The following MATCAP2 variants were observed in gnomAD, a reference collection of about 807,000 sequenced individuals.
MATCAP2 encodes the protein microtubule associated tyrosine carboxypeptidase 2.
chr7:36,351,618 A>G, the MATCAP2 span, among the ~76,000 whole-genome samples: 1 of 152,124 alleles, frequency 6.6e-6, no homozygotes, highest in Non-Finnish European at 1.5e-5. Flanking sequence ...TACTCTTGAC[A>G]GCACAGAACT....
the MATCAP2 span, among the ~76,000 whole-genome samples, chr7:36,380,894 T>A: frequency 6.6e-6 from 1 of 152,188 alleles, no homozygotes; most frequent in African/African-American, 2.4e-5. Flanking sequence ...TGCACCCAGC[T>A]AATTTTTTGT....
chr7:36,337,126 G>C, the MATCAP2 span, among the ~76,000 whole-genome samples: 4 of 22,632 alleles, frequency 1.8e-4, no homozygotes, highest in East Asian at 1.4e-3. Context: ...AAAAAAAAAA[G>C]CAATCAGTCT....
At chr7:36,330,071 T>G in the MATCAP2 span, among the ~76,000 whole-genome samples, 10 of 20,130 alleles carry the variant, frequency 5.0e-4, no homozygotes, top group Non-Finnish European at 9.9e-4. Flanking sequence ...TTTTATTTTA[T>G]TTTATTTATT....
chr7:36,361,460 C>T, the MATCAP2 span, among the ~76,000 whole-genome samples: 6 of 152,256 alleles, frequency 3.9e-5, no homozygotes, highest in East Asian at 1.9e-4. Context: ...CTAATACTTA[C>T]GAAACCTGAG....
At chr7:36,331,396 C>T in the MATCAP2 span, among the ~76,000 whole-genome samples, 1 of 152,092 alleles carries the variant, frequency 6.6e-6, no homozygotes, top group African/African-American at 2.4e-5. Flanking sequence ...GATTATCCCA[C>T]CTTCCCCTAC....
the MATCAP2 span, among the ~76,000 whole-genome samples, chr7:36,335,427 A>C: frequency 2.0e-5 from 3 of 152,172 alleles, no homozygotes; most frequent in Non-Finnish European, 4.4e-5. Context: ...GGAAGACACG[A>C]AGGACTTAAA....
chr7:36,361,380 AG>A, the MATCAP2 span, among the ~76,000 whole-genome samples: 1 of 152,226 alleles, frequency 6.6e-6, no homozygotes. Flanking sequence ...GAAGATCACC[AG>A]AAACAAAGCC....
At chr7:36,380,708 G>A in the MATCAP2 span, among the ~76,000 whole-genome samples, 1 of 152,140 alleles carries the variant, frequency 6.6e-6, no homozygotes, top group Admixed American at 6.6e-5. Flanking sequence ...GCTGGATTAG[G>A]TGATCTATAA....
At chr7:36,362,998 A>C in the MATCAP2 span, among the ~76,000 whole-genome samples, 3,122 of 152,334 alleles carry the variant, frequency 0.02, 51 homozygotes, top group Middle Eastern at 0.051. Context: ...GGTTTTGCTT[A>C]TTCACTGTCC....
the MATCAP2 span, among the ~76,000 whole-genome samples, chr7:36,328,240 A>AAG: frequency 4.3e-5 from 3 of 70,266 alleles, no homozygotes; most frequent in East Asian, 9.2e-4. Flanking sequence ...TTGTTTTTGT[A>AAG]GGGGGGGGGG....
the MATCAP2 span, chr7:36,325,176 G>T: frequency 6.6e-6 from 1 of 152,200 alleles, no homozygotes; most frequent in Admixed American, 6.5e-5. Flanking sequence ...CTAGTGTTCG[G>T]TGAGCATTGG....
At chr7:36,338,533 T>C in the MATCAP2 span, among the ~76,000 whole-genome samples, 1 of 151,888 alleles carries the variant, frequency 6.6e-6, no homozygotes, top group Non-Finnish European at 1.5e-5. Context: ...CCTCAAATGA[T>C]CCTCCCACCT....
the MATCAP2 span, among the ~76,000 whole-genome samples, chr7:36,336,882 G>A: frequency 1.3e-5 from 2 of 151,590 alleles, no homozygotes; most frequent in Non-Finnish European, 2.9e-5. Context: ...ATCACTTGAG[G>A]CCAGGAGCTC....
the MATCAP2 span, among the ~76,000 whole-genome samples, chr7:36,331,503 G>A: frequency 6.6e-6 from 1 of 152,270 alleles, no homozygotes; most frequent in African/African-American, 2.4e-5. Context: ...CTCAATAAAG[G>A]TAGTGGAGAG....
chr7:36,383,938 T>C, the MATCAP2 span: 1 of 1,534,166 alleles, frequency 6.5e-7, no homozygotes, highest in Non-Finnish European at 8.8e-7. Flanking sequence ...CCTGTAAAAA[T>C]AAAAAGATTT....
At chr7:36,342,181 C>CTT in the MATCAP2 span, among the ~76,000 whole-genome samples, 21 of 142,776 alleles carry the variant, frequency 1.5e-4, no homozygotes, top group East Asian at 2.0e-4. Context: ...CTACATAGGT[C>CTT]TTTTTTTTTT....
At chr7:36,371,834 C>A in the MATCAP2 span, among the ~76,000 whole-genome samples, 304 of 152,036 alleles carry the variant, frequency 2.0e-3, 1 homozygote, top group African/African-American at 6.9e-3. Flanking sequence ...GATCATAACT[C>A]CTGGGCTCAA....
chr7:36,381,261 G>A, the MATCAP2 span, among the ~76,000 whole-genome samples: 1 of 152,134 alleles, frequency 6.6e-6, no homozygotes, highest in East Asian at 1.9e-4. Flanking sequence ...TGAAATCTTG[G>A]AGTTGGAGCA....
chr7:36,372,445 A>G, the MATCAP2 span, among the ~76,000 whole-genome samples: 1 of 152,248 alleles, frequency 6.6e-6, no homozygotes, highest in African/African-American at 2.4e-5. Context: ...AATGTTTTGC[A>G]GCATGTCTAT....
Sources: gnomAD v4.1 joint callset for allele counts (sites outside exome capture counted in the v4.1 genomes callset) on GRCh38, gnomAD v4.1.1 for gene constraint, MANE v1.5 for transcripts, NCBI Gene and HGNC (gene_info 2026-07-23, HGNC 2026-07-21) for gene names.